The following NRXN3 variants were observed in gnomAD, a reference collection of about 807,000 sequenced individuals.
The protein encoded by NRXN3 is neurexin 3.
NRXN3 carries 32 observed loss-of-function variants against 137.6 expected under a neutral mutation model. The ratio of observed to expected loss-of-function variants is 0.23; its 90% CI spans 0.18 to 0.31. NRXN3 has a LOEUF of 0.31. Ranked by LOEUF, NRXN3 falls within the 10% of genes least tolerant of loss-of-function variation. NRXN3 has a pLI of 1.00. For synonymous variants in NRXN3, 798 were observed against 784.5 expected (o/e 1.02, Z -0.29); for missense variants, 1,574 against 2,062.5 (o/e 0.76, Z 4.59).
At chr14:78,221,543 C>T (rs2063851343) in intron 1 of NRXN3, among the ~76,000 whole-genome samples, 1 of 152,174 alleles carries the variant, frequency 6.6e-6, no homozygotes, top group Non-Finnish European at 1.5e-5. Flanking sequence ...ATATATTGGT[C>T]AGTTATTACT....
At chr14:78,721,293 T>C (rs2098458565) in intron 8 of NRXN3, among the ~76,000 whole-genome samples, 3 of 152,346 alleles carry the variant, frequency 2.0e-5, no homozygotes, top group South Asian at 4.1e-4. Context: ...ATCTGCGTTA[T>C]GGCTGTGCCC....
At position 79,861,735 on chromosome 14, in the gene NRXN3, C is replaced by T. The variant is rs1398002145; in HGVS notation, c.4487C>T (p.Thr1496Ile). 1.9e-6 allele frequency: 3 copies of T among 1,614,124 alleles called. No homozygotes were observed. Among genetic ancestry groups the T allele is most frequent in the East Asian group, 4.5e-5 (2 of 44,846 alleles). Residue 1496 changes from threonine (T) to isoleucine (I), a missense_variant, in exon 21 of 21, where the codon ACA becomes ATA. Thr to Ile is a moderately conservative substitution (Grantham distance 89). This residue lies in a region of NRXN3 where 320 missense variants were observed against 387.1 expected (regional missense o/e 0.83). Transcript: ENST00000335750. The surrounding 1 kb of genome is among the most constrained non-coding windows in gnomAD (Gnocchi z 5.4). ...SEVIRESSST[T>I]GMVVGIVAAA... The stretch of plus-strand genomic sequence containing the variant: ...GTGATCCGGGAGTCGAGCAGCACAA[C>T]AGGGATGGTCGTCGGCATTGTGGCT...
chr14:78,532,301 A>G (rs1351192857), intron 4 of NRXN3, among the ~76,000 whole-genome samples: 3 of 151,836 alleles, frequency 2.0e-5, no homozygotes, highest in Admixed American at 6.6e-5. Context: ...AGCCTGGGCA[A>G]TAAGAGCGAA....
chr14:79,284,359 T>C (rs1353537163), intron 15 of NRXN3, among the ~76,000 whole-genome samples: 1 of 113,844 alleles, frequency 8.8e-6, no homozygotes, highest in African/African-American at 4.1e-5. Flanking sequence ...TATATATATA[T>C]ATATATATAT....
At chr14:78,437,288 C>T (rs2094100794) in intron 4 of NRXN3, among the ~76,000 whole-genome samples, 1 of 151,950 alleles carries the variant, frequency 6.6e-6, no homozygotes, top group Non-Finnish European at 1.5e-5. Flanking sequence ...AGCCTGATTT[C>T]AAAGTTCAGG....
At chr14:79,001,144 G>A (rs139682717) in intron 15 of NRXN3, among the ~76,000 whole-genome samples, 12 of 152,210 alleles carry the variant, frequency 7.9e-5, no homozygotes, top group African/African-American at 1.4e-4. Flanking sequence ...TCTGCCGACC[G>A]AGGGGAAGCC....
intron 15 of NRXN3, among the ~76,000 whole-genome samples, chr14:79,304,627 G>C (rs573602798): frequency 3.9e-5 from 6 of 152,112 alleles, no homozygotes; most frequent in Non-Finnish European, 5.9e-5. Flanking sequence ...GAAATTCCTA[G>C]TTATGTAATT....
intron 15 of NRXN3, among the ~76,000 whole-genome samples, chr14:79,109,666 A>G (rs533454317): frequency 1.3e-5 from 2 of 152,116 alleles, no homozygotes; most frequent in Non-Finnish European, 1.5e-5. Context: ...TCTTTCATAC[A>G]TTATATATTT....
chr14:78,800,542 C>T (rs559052812), intron 8 of NRXN3, among the ~76,000 whole-genome samples: 37 of 152,258 alleles, frequency 2.4e-4, no homozygotes, highest in African/African-American at 8.9e-4. Flanking sequence ...ACGGTGTTTG[C>T]AACTGTCACA....
chr14:79,746,048 C>A (rs1254681586), intron 19 of NRXN3, among the ~76,000 whole-genome samples: 1 of 152,122 alleles, frequency 6.6e-6, no homozygotes, highest in Non-Finnish European at 1.5e-5. Flanking sequence ...GGGATTAGAA[C>A]TTCAACATAT....
intron 15 of NRXN3, among the ~76,000 whole-genome samples, chr14:79,323,144 C>G (rs1228103330): frequency 1.3e-5 from 2 of 152,216 alleles, no homozygotes; most frequent in Non-Finnish European, 2.9e-5. Context: ...GGTGACCCTC[C>G]TGCCTCAGCC....
intron 4 of NRXN3, among the ~76,000 whole-genome samples, chr14:78,424,357 T>C (rs115736838): frequency 0.026 from 3,973 of 152,264 alleles, 169 homozygotes; most frequent in African/African-American, 0.084. Context: ...ATGTCTTCAA[T>C]GTGAAAGCTA....
intron 10 of NRXN3, among the ~76,000 whole-genome samples, chr14:78,869,122 A>T (rs927231649): frequency 2.0e-5 from 3 of 152,212 alleles, no homozygotes; most frequent in African/African-American, 2.4e-5. Context: ...ATATCCTGGG[A>T]TAGGGAAAGG....
intron 2 of NRXN3, among the ~76,000 whole-genome samples, chr14:78,246,051 A>T (rs944362253): frequency 1.3e-5 from 2 of 152,186 alleles, no homozygotes; most frequent in Middle Eastern, 3.2e-3. Flanking sequence ...CGCCCAAAGG[A>T]TCTGTTCTGT....
intron 15 of NRXN3, among the ~76,000 whole-genome samples, chr14:79,154,029 A>G (rs993332936): frequency 5.3e-5 from 8 of 151,984 alleles, no homozygotes; most frequent in South Asian, 4.1e-4. Context: ...GAACTCGCCA[A>G]TAGCCTGCAA....
At chr14:78,720,869 G>A (rs2098456579) in intron 8 of NRXN3, among the ~76,000 whole-genome samples, 1 of 152,174 alleles carries the variant, frequency 6.6e-6, no homozygotes, top group African/African-American at 2.4e-5. Context: ...AAGCTATGAT[G>A]CTTCTTTGGA....
intron 4 of NRXN3, among the ~76,000 whole-genome samples, chr14:78,586,885 C>T (rs538662513): frequency 1.3e-5 from 2 of 152,332 alleles, no homozygotes; most frequent in East Asian, 1.9e-4. Context: ...TAGGCTCCTG[C>T]GGGCCTGTGC....
At chr14:78,840,156 G>T (rs1201725708) in intron 10 of NRXN3, among the ~76,000 whole-genome samples, 1 of 152,078 alleles carries the variant, frequency 6.6e-6, no homozygotes, top group Non-Finnish European at 1.5e-5. Context: ...GAATTAAGTA[G>T]GAATGGACAT....
At chr14:79,753,162 C>A (rs1410652574) in intron 19 of NRXN3, among the ~76,000 whole-genome samples, 1 of 152,104 alleles carries the variant, frequency 6.6e-6, no homozygotes, top group Non-Finnish European at 1.5e-5. Context: ...GTCAGTGTGG[C>A]GATTCCTCAG....
Sources: allele counts gnomAD v4.1 joint callset (sites outside exome capture counted in the v4.1 genomes callset), GRCh38; gene constraint gnomAD v4.1.1; regional missense constraint gnomAD v4.1.1; non-coding constraint Gnocchi (gnomAD v3.1); transcripts MANE v1.5; gene names NCBI Gene and HGNC (gene_info 2026-07-23, HGNC 2026-07-21).